FGF12: variants seen among roughly 807,000 people sequenced by gnomAD.
The protein encoded by FGF12 is fibroblast growth factor 12, also known as fibroblast growth factor 12B.
Under a neutral mutation model 23.6 loss-of-function variants are expected in FGF12, and 14 were observed. That is an observed-to-expected ratio of 0.59 (90% CI 0.39 to 0.93). The LOEUF (loss-of-function observed/expected upper bound fraction) is 0.93, where lower values mean the gene tolerates loss of function less well. Among genes scored for constraint, FGF12 ranks in the 40% least tolerant of loss-of-function variants. FGF12 has a pLI of 0.00. For synonymous variants in FGF12, 62 were observed against 77.3 expected, an observed-to-expected ratio of 0.80 and a Z score of 1.04; for missense variants, 175 against 217.8, an observed-to-expected ratio of 0.80 and a Z score of 1.24.
chr3:192,285,616 G>A (rs188260512), intron 4 of FGF12, among the ~76,000 whole-genome samples: 5 of 151,796 alleles, frequency 3.3e-5, no homozygotes, highest in Admixed American at 6.6e-5. Flanking sequence ...TGAAGCTCTC[G>A]TTTCACTTTC....
At chr3:192,539,671 G>C (rs1725317228) in intron 2 of FGF12, among the ~76,000 whole-genome samples, 1 of 152,080 alleles carries the variant, frequency 6.6e-6, no homozygotes, top group Non-Finnish European at 1.5e-5. Flanking sequence ...CATATGATAA[G>C]TTTGGAAGTA....
chr3:192,149,318 T>C (rs1249298390), intron 5 of FGF12, among the ~76,000 whole-genome samples: 1 of 151,710 alleles, frequency 6.6e-6, no homozygotes. Context: ...TTTGAACCTT[T>C]TTTTTATTAT....
chr3:192,250,040 CCTT>C (rs1206125993), intron 4 of FGF12, among the ~76,000 whole-genome samples: 1 of 152,098 alleles, frequency 6.6e-6, no homozygotes, highest in African/African-American at 2.4e-5. Flanking sequence ...TTTAAAACAA[CCTT>C]ATTATCGATT....
chr3:192,723,219 G>A (rs1254735626), intron 2 of FGF12, among the ~76,000 whole-genome samples: 1 of 152,048 alleles, frequency 6.6e-6, no homozygotes, highest in Non-Finnish European at 1.5e-5. Context: ...TGAGCAGCAA[G>A]GGTATTTAAA....
In FGF12 at chr3:192,141,154, A is replaced by AAAAAAAAAAAAAAAAT. The variant is rs1553840885; in HGVS notation, c.*2854_*2855insATTTTTTTTTTTTTTT. The AAAAAAAAAAAAAAAAT allele has an allele frequency of 7.3e-6, 1 of 136,608 alleles. No homozygotes were observed. Among genetic ancestry groups the AAAAAAAAAAAAAAAAT allele is most frequent in the Non-Finnish European group, 1.6e-5 (1 of 62,220 alleles). 8.5% of individuals were successfully genotyped at this position (136,608 alleles called of 1,614,324 possible). On this transcript the variant is annotated 3_prime_UTR_variant, in exon 6 of 6. Transcript: ENST00000445105. Reference sequence around the variant, plus strand: ...AAAAAAAAAAAAAAAAAAAAAAAAAAGCTTATTTTACTTAAAAAGGAAAAG... The same window carrying AAAAAAAAAAAAAAAAT: ...AAAAAAAAAAAAAAAAAAAAAAAAAAAAAAAAAAAAAAAAATGCTTATTTTACTTAAAAAGGAAAAG...
intron 2 of FGF12, among the ~76,000 whole-genome samples, chr3:192,363,242 A>T (rs1357009142): frequency 3.9e-5 from 3 of 77,352 alleles, no homozygotes; most frequent in Non-Finnish European, 6.8e-5. Flanking sequence ...GTATAATTAA[A>T]AAAAAAAAAA....
chr3:192,278,988 A>G (rs1435123493), intron 4 of FGF12, among the ~76,000 whole-genome samples: 1 of 151,358 alleles, frequency 6.6e-6, no homozygotes, highest in Non-Finnish European at 1.5e-5. Context: ...TTAGGGCCTG[A>G]TTGTGGATGA....
chr3:192,277,234 T>C (rs1713847207), intron 4 of FGF12, among the ~76,000 whole-genome samples: 1 of 152,214 alleles, frequency 6.6e-6, no homozygotes, highest in South Asian at 2.1e-4. Context: ...ATAGATTGTT[T>C]CTAAGTGAAG....
chr3:192,438,910 T>A (rs1443355347), intron 2 of FGF12, among the ~76,000 whole-genome samples: 1 of 152,208 alleles, frequency 6.6e-6, no homozygotes. Flanking sequence ...CAGGGCTGAA[T>A]GTAAAACAAG....
chr3:192,406,634 C>T (rs919428271), intron 2 of FGF12, among the ~76,000 whole-genome samples: 1 of 152,152 alleles, frequency 6.6e-6, no homozygotes, highest in Non-Finnish European at 1.5e-5. Context: ...GTCTTGGGAT[C>T]ATAATTATTT....
At chr3:192,158,374 C>CT (rs869133276) in intron 5 of FGF12, among the ~76,000 whole-genome samples, 5 of 117,242 alleles carry the variant, frequency 4.3e-5, no homozygotes, top group South Asian at 2.7e-4. Flanking sequence ...TTCTTTCTTT[C>CT]TTTCTTTCTT....
At chr3:192,718,617 G>A (rs899552423) in intron 2 of FGF12, among the ~76,000 whole-genome samples, 3 of 152,130 alleles carry the variant, frequency 2.0e-5, no homozygotes, top group African/African-American at 4.8e-5. Context: ...CCAAGACAGC[G>A]TCTTTTCCAC....
At chr3:192,416,892 C>T (rs529797581) in intron 2 of FGF12, among the ~76,000 whole-genome samples, 2 of 152,166 alleles carry the variant, frequency 1.3e-5, no homozygotes, top group South Asian at 4.1e-4. Flanking sequence ...CATTTTGGTG[C>T]TCAGCTATCC....
intron 2 of FGF12, among the ~76,000 whole-genome samples, chr3:192,646,074 C>T (rs573655388): frequency 3.3e-5 from 5 of 152,044 alleles, no homozygotes; most frequent in Non-Finnish European, 5.9e-5. Flanking sequence ...GACCCCAAAA[C>T]GAGAAACAGT....
intron 2 of FGF12, among the ~76,000 whole-genome samples, chr3:192,493,493 A>T (rs7638837): frequency 6.6e-6 from 1 of 152,068 alleles, no homozygotes; most frequent in East Asian, 1.9e-4. Flanking sequence ...GAAGGCCTCA[A>T]AGAATGTATT....
At chr3:192,491,315 C>T (rs1029191101) in intron 2 of FGF12, among the ~76,000 whole-genome samples, 1 of 152,158 alleles carries the variant, frequency 6.6e-6, no homozygotes, top group Non-Finnish European at 1.5e-5. Context: ...TACTGCAATG[C>T]ACCAGATAGA....
In FGF12 at chr3:192,641,316, G is replaced by A. The variant is rs1184791673; in HGVS notation, c.13+85865C>T. Among the ~76,000 whole-genome samples, 4 of 90,694 alleles carry A rather than the reference G, an allele frequency of 4.4e-5. 1 individual carries two copies. Among genetic ancestry groups the A allele is most frequent in the African/African-American group, 7.8e-5 (2 of 25,502 alleles). The allele number at this position is 90,694 out of a possible 152,430, so 59.5% of individuals were successfully genotyped here. A position where few individuals can be genotyped will look rare whatever the true frequency, so the allele number is the denominator to read the frequency against. ...GAGACGGGGTTTCACCGTTTTAGCC[G>A]GGATGGTCTCGATCTCCTGACCTCG... On this transcript the variant is annotated intron_variant, in intron 2 of 5. Transcript: ENST00000445105.
chr3:192,324,442 G>A (rs1208990679), intron 4 of FGF12, among the ~76,000 whole-genome samples: 1 of 152,188 alleles, frequency 6.6e-6, no homozygotes, highest in Non-Finnish European at 1.5e-5. Context: ...TGCTGCTACT[G>A]TTACTGCTTA....
At chr3:192,539,953 C>T (rs1275286189) in intron 2 of FGF12, among the ~76,000 whole-genome samples, 1 of 151,702 alleles carries the variant, frequency 6.6e-6, no homozygotes, top group Non-Finnish European at 1.5e-5. Context: ...TTTACAGTAG[C>T]CTCTAATGAT....
Sources: gnomAD v4.1 joint callset for allele counts (sites outside exome capture counted in the v4.1 genomes callset) on GRCh38, gnomAD v4.1.1 for gene constraint, MANE v1.5 for transcripts, NCBI Gene and HGNC (gene_info 2026-07-23, HGNC 2026-07-21) for gene names.